SLC28A3: variants seen among roughly 807,000 people sequenced by gnomAD.
SLC28A3 encodes concentrative Na(+)-nucleoside cotransporter 3.
A neutral mutation model predicts 84.2 loss-of-function variants in SLC28A3; 68 were observed. The ratio of observed to expected loss-of-function variants is 0.81; its 90% CI spans 0.66 to 0.99. The LOEUF is 0.99. SLC28A3 is among the 50% of genes least tolerant of loss of function. The pLI is 0.00. For synonymous variants in SLC28A3, 267 were observed against 303.6 expected (o/e 0.88, Z 1.25); for missense variants, 712 against 841.5 (o/e 0.85, Z 1.90).
chr9:84,299,838 G>A (rs1825560262), intron 5 of SLC28A3, 113 bp from the exon 6 acceptor site: 1 of 1,257,870 alleles, frequency 7.9e-7, no homozygotes, highest in South Asian at 1.6e-5. Flanking sequence ...TGTTGCCCAG[G>A]CTGGAGTAGA....
At chr9:84,283,258 GT>G (rs1564144949) in intron 14 of SLC28A3, among the ~76,000 whole-genome samples, 1 of 152,242 alleles carries the variant, frequency 6.6e-6, no homozygotes, top group East Asian at 1.9e-4. Context: ...GAGATGCACC[GT>G]ACTAGAAAAA....
intron 1 of SLC28A3, among the ~76,000 whole-genome samples, chr9:84,327,747 A>G (rs2118556308): frequency 6.6e-6 from 1 of 151,934 alleles, no homozygotes; most frequent in East Asian, 1.9e-4. Context: ...GTGAAACCCC[A>G]CCTCTACAAA....
chr9:84,329,982 A>T (rs1255767940), intron 1 of SLC28A3, among the ~76,000 whole-genome samples: 2 of 152,206 alleles, frequency 1.3e-5, no homozygotes, highest in African/African-American at 4.8e-5. Flanking sequence ...AAGAAGTAAG[A>T]TCTCAAATCA....
chr9:84,302,080 G>T, intron 5 of SLC28A3, 120 bp downstream of exon 5: 1 of 859,586 alleles, frequency 1.2e-6, no homozygotes, highest in Non-Finnish European at 1.8e-6. Flanking sequence ...TTACTTCCTA[G>T]GGTGTTTCTA....
the SLC28A3 span, among the ~76,000 whole-genome samples, chr9:84,347,353 G>T: frequency 6.6e-6 from 1 of 151,908 alleles, no homozygotes; most frequent in Non-Finnish European, 1.5e-5. Flanking sequence ...CCATTTCACA[G>T]ATGAAACACA....
At chr9:84,307,132 CAAAA>C (rs34204820) in intron 3 of SLC28A3, among the ~76,000 whole-genome samples, 4 of 119,658 alleles carry the variant, frequency 3.3e-5, no homozygotes, top group Admixed American at 8.5e-5. Context: ...CCGTCTCAAC[CAAAA>C]AAAAAAAAAA....
chr9:84,302,444 C>T, intron 4 of SLC28A3, 55 bp from the exon 5 acceptor site: 2 of 1,562,100 alleles, frequency 1.3e-6, no homozygotes, highest in Non-Finnish European at 8.7e-7. Context: ...GGACACGCCT[C>T]CAGGCTCCAG....
intron 1 of SLC28A3, among the ~76,000 whole-genome samples, chr9:84,322,928 T>C (rs943363774): frequency 7.9e-5 from 12 of 152,200 alleles, no homozygotes; most frequent in Non-Finnish European, 1.5e-4. Context: ...ACTCAAGATG[T>C]TAGAAAAATA....
chr9:84,302,466 C>A, intron 4 of SLC28A3, 77 bp from the exon 5 acceptor site: 4 of 1,455,982 alleles, frequency 2.7e-6, no homozygotes, highest in Non-Finnish European at 3.8e-6. Context: ...CTTGTTCTGG[C>A]GCAGGTGAGG....
intron 6 of SLC28A3, among the ~76,000 whole-genome samples, chr9:84,298,924 C>T (rs957729313): frequency 4.6e-5 from 7 of 152,172 alleles, no homozygotes; most frequent in African/African-American, 1.2e-4. Flanking sequence ...ACTATGGCAT[C>T]GGAGGCATAG....
intron 3 of SLC28A3, among the ~76,000 whole-genome samples, chr9:84,306,864 A>T (rs898085045): frequency 2.0e-5 from 3 of 152,058 alleles, no homozygotes; most frequent in Non-Finnish European, 4.4e-5. Flanking sequence ...AACCACTATT[A>T]AAATAGAAGG....
chr9:84,368,265 C>T, the SLC28A3 span, among the ~76,000 whole-genome samples: 570 of 152,292 alleles, frequency 3.7e-3, 2 homozygotes, highest in African/African-American at 0.013. Context: ...ATCCCTTAAA[C>T]CTTGATTCAA....
upstream of SLC28A3, among the ~76,000 whole-genome samples, chr9:84,345,170 G>A (rs949441874): frequency 2.0e-5 from 3 of 151,452 alleles, no homozygotes; most frequent in Admixed American, 2.0e-4. Flanking sequence ...TGAGACTTGG[G>A]GATTTTCATT....
chr9:84,321,455 G>A (rs143900600), intron 1 of SLC28A3, among the ~76,000 whole-genome samples: 143 of 151,956 alleles, frequency 9.4e-4, no homozygotes, highest in African/African-American at 3.3e-3. Context: ...CATTATAGGC[G>A]GGGCGCAGTG....
intron 1 of SLC28A3, among the ~76,000 whole-genome samples, chr9:84,322,709 G>A (rs942171752): frequency 6.6e-5 from 10 of 152,052 alleles, no homozygotes; most frequent in African/African-American, 2.4e-4. Flanking sequence ...GCCCAGCATG[G>A]TGTTGCATGC....
chr9:84,296,006 A>G (rs1169396904), intron 8 of SLC28A3, among the ~76,000 whole-genome samples: 2 of 152,240 alleles, frequency 1.3e-5, no homozygotes, highest in East Asian at 3.8e-4. Flanking sequence ...CATCTCTGGA[A>G]TGTTAGCAGA....
At chr9:84,305,209 A>C in intron 4 of SLC28A3, 45 bp downstream of exon 4, 1 of 1,494,524 alleles carries the variant, frequency 6.7e-7, no homozygotes, top group Non-Finnish European at 9.1e-7. Flanking sequence ...CCTGAAAAAA[A>C]AAAAAAAAAA....
At chr9:84,294,056 T>C in intron 9 of SLC28A3, 139 bp downstream of exon 9, 1 of 670,808 alleles carries the variant, frequency 1.5e-6, no homozygotes, top group Non-Finnish European at 2.4e-6. Flanking sequence ...GTTTTGAATC[T>C]AATCACTTAG....
chr9:84,368,479 C>T, the SLC28A3 span, among the ~76,000 whole-genome samples: 1 of 152,078 alleles, frequency 6.6e-6, no homozygotes, highest in Admixed American at 6.6e-5. Context: ...TTGTTCAGGT[C>T]CCAAGCGCTC....
Sources: gnomAD v4.1 joint callset for allele counts (sites outside exome capture counted in the v4.1 genomes callset) on GRCh38, gnomAD v4.1.1 for gene constraint, MANE v1.5 for transcripts, NCBI Gene and HGNC (gene_info 2026-07-23, HGNC 2026-07-21) for gene names.